The following DGCR2 variants were observed in gnomAD, a reference collection of about 807,000 sequenced individuals.
The protein encoded by DGCR2 is DiGeorge syndrome critical region gene 2, also known as integral membrane protein DGCR2/IDD.
In DGCR2, 24 loss-of-function variants were observed where a neutral mutation model predicts 51.6. The ratio of observed to expected loss-of-function variants is 0.47; its 90% CI spans 0.34 to 0.65. The LOEUF is 0.65. Ranked by LOEUF, DGCR2 falls within the 30% of genes least tolerant of loss-of-function variation. The pLI is 0.01. For missense variants in DGCR2, 765 were observed against 772.1 expected (o/e 0.99, Z 0.11); for synonymous variants, 340 against 315.4 (o/e 1.08, Z -0.82).
chr22:19,059,841 T>C (rs748806034), intron 5 of DGCR2, among the ~76,000 whole-genome samples: 1 of 152,064 alleles, frequency 6.6e-6, no homozygotes, highest in Non-Finnish European at 1.5e-5. Flanking sequence ...GAGCAGCCAC[T>C]GCCACCTCCA....
Position 19,058,492 on chromosome 22 carries a change from C to T in DGCR2, c.626-1330G>A, listed in dbSNP as rs919344675. On this transcript the variant is annotated intron_variant, in intron 5 of 9. Transcript: ENST00000263196. ...GCACCACCCCACCTTTCCTCCAGGCCCCCGAGCCCCTGCACACCCTCCTCA... is the reference window on the plus strand; with the variant it reads ...GCACCACCCCACCTTTCCTCCAGGCTCCCGAGCCCCTGCACACCCTCCTCA... Among the ~76,000 whole-genome samples the T allele has an allele frequency of 5.3e-5, 8 of 152,148 alleles. No homozygotes were observed. The South Asian group carries it at 1.0e-3, about 20-fold the overall frequency.
intron 2 of DGCR2, among the ~76,000 whole-genome samples, chr22:19,087,131 G>A: frequency 6.6e-6 from 1 of 152,282 alleles, no homozygotes; most frequent in Middle Eastern, 3.4e-3. Flanking sequence ...ATAACCACAT[G>A]GTCGTCCCCA....
At chr22:19,107,454 GAGA>G (rs1240230323) in intron 1 of DGCR2, among the ~76,000 whole-genome samples, 1 of 152,194 alleles carries the variant, frequency 6.6e-6, no homozygotes, top group Admixed American at 6.5e-5. Flanking sequence ...CTACCTCCAG[GAGA>G]AGAAGTGATC....
Position 19,042,562 on chromosome 22 carries a change from G to A in DGCR2, c.1007-603C>T, listed in dbSNP as rs190922167. ...CAGTTGCTGGCAGTTTGGAGTGGGG[G>A]TGACGCCCCTGCGGAGCATGGCTCG... On this transcript the variant is annotated intron_variant, in intron 7 of 9. Transcript: ENST00000263196. 9.6e-4 allele frequency among the ~76,000 whole-genome samples: 147 copies of A among 152,340 alleles called. 2 individuals carry two copies. In the East Asian group the frequency reaches 0.019, roughly 20 times the overall value.
intron 6 of DGCR2, chr22:19,056,655 C>G: frequency 2.5e-6 from 1 of 396,408 alleles, no homozygotes; most frequent in Non-Finnish European, 4.5e-6. Flanking sequence ...AGGTGACAAA[C>G]AGCCTTAGAT....
chr22:19,113,393 A>T lies in DGCR2; in HGVS notation c.79+8735T>A, dbSNP rs559550541. Among the ~76,000 whole-genome samples, 8 of 152,270 alleles carry T rather than the reference A, an allele frequency of 5.3e-5. No homozygotes were observed. The East Asian group carries it at 5.8e-4, about 11-fold the overall frequency. The stretch of plus-strand genomic sequence containing the variant: ...CAAAAAAATAAAAATAAAAAAAAAA[A>T]AATAACAGTATGAACTTACACAGGC... On this transcript the variant is annotated intron_variant, in intron 1 of 9. Coordinates refer to ENST00000263196, the MANE Select transcript of DGCR2 (RefSeq NM_005137.3).
At chr22:19,059,019 C>T (rs1263847740) in intron 5 of DGCR2, among the ~76,000 whole-genome samples, 2 of 152,194 alleles carry the variant, frequency 1.3e-5, no homozygotes, top group South Asian at 4.1e-4. Context: ...CCTTGCAGAG[C>T]GGGCAGGTGT....
intron 1 of DGCR2, among the ~76,000 whole-genome samples, chr22:19,110,360 G>A (rs970838379): frequency 1.4e-4 from 21 of 152,284 alleles, no homozygotes; most frequent in Non-Finnish European, 2.9e-4. Flanking sequence ...GCATTTGTGT[G>A]GACACAGCAG....
At chr22:19,085,812 G>C (rs1404879965) in intron 2 of DGCR2, among the ~76,000 whole-genome samples, 1 of 152,170 alleles carries the variant, frequency 6.6e-6, no homozygotes, top group African/African-American at 2.4e-5. Context: ...CAGAAGTCCT[G>C]AAGTCTAGTT....
At chr22:19,108,949 T>C (rs987056578) in intron 1 of DGCR2, among the ~76,000 whole-genome samples, 2 of 152,064 alleles carry the variant, frequency 1.3e-5, no homozygotes, top group Non-Finnish European at 1.5e-5. Flanking sequence ...GAGGATCACT[T>C]GAACCCAGGA....
chr22:19,084,682 C>T (rs561229632), intron 2 of DGCR2, among the ~76,000 whole-genome samples: 2 of 110,950 alleles, frequency 1.8e-5, no homozygotes, highest in South Asian at 3.4e-4. Flanking sequence ...GGTCAGCCCC[C>T]GCCCGGCCAG....
chr22:19,105,562 G>C (rs941314104), intron 1 of DGCR2, among the ~76,000 whole-genome samples: 1 of 152,204 alleles, frequency 6.6e-6, no homozygotes, highest in African/African-American at 2.4e-5. Flanking sequence ...AGTGGGGAAG[G>C]GAGCGATGCA....
At chr22:19,121,842 G>T (rs2083436294) in intron 1 of DGCR2, 1 of 228,620 alleles carries the variant, frequency 4.4e-6, no homozygotes, top group Non-Finnish European at 8.4e-6. Context: ...CTGGACTGGC[G>T]AGAGGGTGCG....
chr22:19,100,337 G>A (rs966651823), intron 1 of DGCR2, among the ~76,000 whole-genome samples: 4 of 152,114 alleles, frequency 2.6e-5, no homozygotes, highest in African/African-American at 7.2e-5. Context: ...AGGCCTTCTG[G>A]TGATGACTGT....
At chr22:19,095,681 C>T (rs1011540431) in intron 1 of DGCR2, among the ~76,000 whole-genome samples, 1 of 148,560 alleles carries the variant, frequency 6.7e-6, no homozygotes, top group Non-Finnish European at 1.5e-5. Context: ...AAAAAAACAA[C>T]TCAAATTTTA....
intron 1 of DGCR2, among the ~76,000 whole-genome samples, chr22:19,108,846 A>G (rs1445721444): frequency 1.3e-5 from 2 of 149,702 alleles, no homozygotes; most frequent in Non-Finnish European, 3.0e-5. Flanking sequence ...ACAAAGTGAG[A>G]TCTCATCTTT....
intron 1 of DGCR2, among the ~76,000 whole-genome samples, chr22:19,112,104 C>A (rs2083322066): frequency 1.3e-5 from 2 of 151,962 alleles, no homozygotes; most frequent in African/African-American, 4.8e-5. Context: ...GAAACCCCAT[C>A]TCCACTAAAA....
intron 2 of DGCR2, among the ~76,000 whole-genome samples, chr22:19,087,706 A>T: frequency 7.2e-6 from 1 of 138,176 alleles, no homozygotes; most frequent in Non-Finnish European, 1.5e-5. Context: ...TGCCTTTGAG[A>T]CAGAGTCTTG....
intron 1 of DGCR2, among the ~76,000 whole-genome samples, chr22:19,089,860 C>T (rs891497537): frequency 5.9e-5 from 9 of 152,238 alleles, no homozygotes; most frequent in African/African-American, 1.9e-4. Context: ...GGATTACAGG[C>T]ATGTACCACT....
Sources: gnomAD v4.1 joint callset for allele counts (sites outside exome capture counted in the v4.1 genomes callset) on GRCh38, gnomAD v4.1.1 for gene constraint, MANE v1.5 for transcripts, NCBI Gene and HGNC (gene_info 2026-07-23, HGNC 2026-07-21) for gene names.